The following NAGLU variants were observed in gnomAD, a reference collection of about 807,000 sequenced individuals.
NAGLU encodes the protein N-acetyl-alpha-glucosaminidase.
In NAGLU, 34 loss-of-function variants were observed where a neutral mutation model predicts 43.4. The ratio of observed to expected loss-of-function variants is 0.78; its 90% CI spans 0.60 to 1.04. The LOEUF (loss-of-function observed/expected upper bound fraction) is 1.04. NAGLU is among the 50% of genes least tolerant of loss of function. The pLI is 0.00. For missense variants in NAGLU, 910 were observed against 993.7 expected, an observed-to-expected ratio of 0.92 and a Z score of 1.13; for synonymous variants, 425 against 437.6, an observed-to-expected ratio of 0.97 and a Z score of 0.36.
rs374706006 is a variant in NAGLU, at chr17:42,543,260, A to T, written c.1254A>T (p.Gly418=). The T allele has an allele frequency of 1.2e-6, 2 of 1,613,974 alleles. No individual in the cohort carries two copies. Among genetic ancestry groups the T allele is most frequent in the African/African-American group, 2.7e-5 (2 of 74,938 alleles). ...HNFGGNHGLF[G]ALEAVNGGPE... ...TTGGGGGAAACCATGGTCTTTTTGG[A>T]GCCCTAGAGGCTGTGAACGGAGGCC... is the stretch of plus-strand genomic sequence containing the variant. Residue 418 remains glycine, a synonymous_variant, in exon 6 of 6, where the codon GGA becomes GGT. Transcript: ENST00000225927.
Position 42,537,488 on chromosome 17 carries a change from G to T in NAGLU, c.474G>T (p.Ala158=), listed in dbSNP as rs1052714676. The part of the protein sequence containing the change: ...ARWEREIDWM[A]LNGINLALAW... ...GGGAGCGAGAGATAGACTGGATGGC[G>T]CTGAATGGCATCAACCTGGCACTGG... is the stretch of plus-strand genomic sequence containing the variant. Residue 158 remains alanine, a synonymous_variant, in exon 2 of 6, where the codon GCG becomes GCT. Coordinates refer to ENST00000225927, the MANE Select transcript of NAGLU (RefSeq NM_000263.4). The T allele has an allele frequency of 3.7e-6, 6 of 1,614,208 alleles. No homozygotes were observed. The highest frequency in any genetic ancestry group is 5.1e-6 in the Non-Finnish European group (6 of 1,180,018).
intron 5 of NAGLU, 105 bp downstream of exon 5, chr17:42,541,311 T>C: frequency 6.8e-7 from 1 of 1,468,648 alleles, no homozygotes; most frequent in Non-Finnish European, 9.3e-7. Flanking sequence ...TGCCTCGCCA[T>C]AACACACAGT....
At chr17:42,538,630 G>T in intron 3 of NAGLU, 40 bp from the exon 4 acceptor site, 1 of 1,613,086 alleles carries the variant, frequency 6.2e-7, no homozygotes. Context: ...TCATAGGACA[G>T]CAGTGGCCAT....
intron 5 of NAGLU, among the ~76,000 whole-genome samples, chr17:42,541,454 A>G (rs2092921746): frequency 6.6e-6 from 1 of 152,104 alleles, no homozygotes. Context: ...GTGACTTATG[A>G]CTCATGACCT....
chr17:42,541,136 G>A lies in NAGLU; in HGVS notation c.951G>A (p.Met317Ile). ...ATGGGGCCGACACTTTCAATGAGAT[G>A]CAGCCACCTTCCTCAGAGCCCTCCT... ...HIYGADTFNE[M>I]QPPSSEPSYL... Residue 317 changes from methionine (M) to isoleucine (I), a missense_variant, in exon 5 of 6, where the codon ATG (methionine) becomes ATA (isoleucine). Met to Ile is a conservative substitution (Grantham distance 10, BLOSUM62 1). Coordinates refer to ENST00000225927, the MANE Select transcript of NAGLU (RefSeq NM_000263.4). 8 of 1,613,970 alleles carry A rather than the reference G, an allele frequency of 5.0e-6. No homozygotes were observed. The highest frequency in any genetic ancestry group is 1.6e-4 in the Middle Eastern group (1 of 6,062).
intron 3 of NAGLU, 72 bp from the exon 4 acceptor site, chr17:42,538,598 A>G: frequency 6.2e-7 from 1 of 1,612,470 alleles, no homozygotes; most frequent in Non-Finnish European, 8.5e-7. Flanking sequence ...GGCTGCGTGT[A>G]TCCTGGGAGA....
chr17:42,540,863 C>G, intron 4 of NAGLU, 87 bp from the exon 5 acceptor site: 1 of 1,585,506 alleles, frequency 6.3e-7, no homozygotes, highest in Non-Finnish European at 8.7e-7. Flanking sequence ...AAACCAGGAG[C>G]TGTAGAGAAG....
rs557448339 is a variant in NAGLU, at chr17:42,538,868, T to C, written c.764+113T>C. The C allele has an allele frequency of 3.3e-5, 42 of 1,282,916 alleles. No homozygotes were observed. In the South Asian group the frequency reaches 4.9e-4, roughly 15 times the overall value. The allele number at this position is 1,282,916 out of a possible 1,614,324, so 79.5% of individuals were successfully genotyped here. Reference sequence around the variant, plus strand: ...CGGGCGCAGTGGCTCACGCCTGTAATCCCAGCACTTTGGGAGGCCGAGTTG... The same window carrying C: ...CGGGCGCAGTGGCTCACGCCTGTAACCCCAGCACTTTGGGAGGCCGAGTTG... On this transcript the variant is annotated intron_variant, in intron 4 of 5. Coordinates refer to ENST00000225927, the MANE Select transcript of NAGLU (RefSeq NM_000263.4).
chr17:42,542,311 ACTT>A (rs2092923521), intron 5 of NAGLU, among the ~76,000 whole-genome samples: 1 of 152,096 alleles, frequency 6.6e-6, no homozygotes, highest in Non-Finnish European at 1.5e-5. Flanking sequence ...TGATTCGCCC[ACTT>A]CAGCCTCCCA....
intron 1 of NAGLU, 157 bp from the exon 2 acceptor site, chr17:42,537,241 C>G: frequency 9.1e-7 from 1 of 1,099,838 alleles, no homozygotes; most frequent in Non-Finnish European, 1.3e-6. Flanking sequence ...AGCCCCGGTA[C>G]CTGGTCTCAG....
At chr17:42,539,880 G>A (rs2092917004) in intron 4 of NAGLU, among the ~76,000 whole-genome samples, 2 of 152,162 alleles carry the variant, frequency 1.3e-5, no homozygotes, top group Non-Finnish European at 2.9e-5. Context: ...TTGGGAGGCT[G>A]AGGCGTATGG....
chr17:42,540,573 G>C (rs2092918826), intron 4 of NAGLU, among the ~76,000 whole-genome samples: 1 of 151,578 alleles, frequency 6.6e-6, no homozygotes, highest in Admixed American at 6.6e-5. Flanking sequence ...GCGGGCACCT[G>C]TAGTCCCAGC....
Position 42,543,976 on chromosome 17 carries a change from A to G in NAGLU, c.1970A>G (p.Asp657Gly). The G allele has an allele frequency of 6.2e-7, 1 of 1,610,868 alleles. No homozygotes were observed. Among genetic ancestry groups the G allele is most frequent in the Non-Finnish European group, 8.5e-7 (1 of 1,178,526 alleles). ...TGGGGGCCAGAAGGCAACATCCTGG[A>G]CTATGCCAACAAGCAGCTGGCGGGG... ...TLWGPEGNIL[D>G]YANKQLAGLV... Residue 657 changes from aspartate to glycine, a missense_variant, in exon 6 of 6, where the codon GAC becomes GGC. Asp to Gly is a moderately conservative substitution (Grantham distance 94). Transcript: ENST00000225927.
chr17:42,537,624 G>A, intron 2 of NAGLU, 79 bp downstream of exon 2: 1 of 1,559,656 alleles, frequency 6.4e-7, no homozygotes, highest in Non-Finnish European at 8.7e-7. Context: ...CCCCAGCATG[G>A]GCGCAGTGTC....
At chr17:42,537,377 T>C (rs1276266323) in intron 1 of NAGLU, 21 bp from the exon 2 acceptor site, 1 of 1,613,854 alleles carries the variant, frequency 6.2e-7, no homozygotes, top group East Asian at 2.2e-5. Context: ...GATGCGCCCC[T>C]GCTCATGACA....
intron 2 of NAGLU, among the ~76,000 whole-genome samples, chr17:42,537,891 C>T (rs2092911362): frequency 6.6e-6 from 1 of 151,568 alleles, no homozygotes; most frequent in Non-Finnish European, 1.5e-5. Flanking sequence ...CTGAGGCTTC[C>T]AGTTTGAGGA....
intron 4 of NAGLU, among the ~76,000 whole-genome samples, chr17:42,540,711 A>G (rs1467185356): frequency 6.6e-6 from 1 of 150,414 alleles, no homozygotes; most frequent in Non-Finnish European, 1.5e-5. Context: ...AAAAAAAAAA[A>G]AGAAAGAAAA....
At position 42,543,452 on chromosome 17, in the gene NAGLU, G is replaced by GT. The variant is rs778021009; in HGVS notation, c.1447dup (p.Tyr483LeufsTer33). 54 of 1,599,028 alleles carry GT rather than the reference G, an allele frequency of 3.4e-5. No homozygotes were observed. The highest frequency in any genetic ancestry group is 4.4e-5 in the Non-Finnish European group (52 of 1,174,456). On this transcript the variant is annotated frameshift_variant, in exon 6 of 6. Transcript: ENST00000225927. LOFTEE classifies it low-confidence loss of function (END_TRUNC). ...GGGTGACCAGCTTTGCCGCCCGGCG[G>GT]TATGGGGTCTCCCACCCGGACGCAG...
At chr17:42,540,557 G>C (rs1450611948) in intron 4 of NAGLU, among the ~76,000 whole-genome samples, 1 of 151,868 alleles carries the variant, frequency 6.6e-6, no homozygotes, top group African/African-American at 2.4e-5. Flanking sequence ...TTAGCCGGGT[G>C]TGGTGGCGGG....
Sources: gnomAD v4.1 joint callset for allele counts (sites outside exome capture counted in the v4.1 genomes callset) on GRCh38, gnomAD v4.1.1 for gene constraint, MANE v1.5 for transcripts, NCBI Gene and HGNC (gene_info 2026-07-23, HGNC 2026-07-21) for gene names.